Variants in PTPRD observed in about 807,000 individuals in gnomAD.
The protein encoded by PTPRD is protein tyrosine phosphatase receptor type D.
A neutral mutation model predicts 214.5 loss-of-function variants in PTPRD; 34 were observed. The ratio of observed to expected loss-of-function variants is 0.16; its 90% CI spans 0.12 to 0.21. The LOEUF is 0.21. Ranked by LOEUF, PTPRD falls within the 10% of genes least tolerant of loss-of-function variation. PTPRD has a pLI of 1.00. For synonymous variants in PTPRD, 1,128 were observed against 845.7 expected (o/e 1.33, Z -5.79); for missense variants, 2,545 against 2,398.7 (o/e 1.06, Z -1.27).
chr9:8,567,781 T>C (rs1202110286), intron 14 of PTPRD, among the ~76,000 whole-genome samples: 1 of 152,166 alleles, frequency 6.6e-6, no homozygotes, highest in Admixed American at 6.5e-5. Context: ...GTCTTATTTC[T>C]CTCTCTTACA....
intron 2 of PTPRD, among the ~76,000 whole-genome samples, chr9:10,385,146 GT>G (rs200671194): frequency 6.6e-6 from 1 of 151,404 alleles, no homozygotes; most frequent in South Asian, 2.1e-4. Context: ...AATACTACTT[GT>G]TTTTTTTCCA....
chr9:9,796,241 G>A (rs12341109), intron 5 of PTPRD, among the ~76,000 whole-genome samples: 1,824 of 152,234 alleles, frequency 0.012, 19 homozygotes, highest in Middle Eastern at 0.031. Context: ...TCTGAGAAAC[G>A]TTTTGAAGAT....
intron 39 of PTPRD, among the ~76,000 whole-genome samples, chr9:8,342,970 T>A (rs1247161420): frequency 6.6e-6 from 1 of 152,064 alleles, no homozygotes; most frequent in Non-Finnish European, 1.5e-5. Flanking sequence ...ATGGCTTTGG[T>A]AATCACACTG....
intron 31 of PTPRD, 22 bp downstream of exon 31, chr9:8,470,973 T>A (rs1311238743): frequency 1.3e-6 from 2 of 1,592,664 alleles, no homozygotes; most frequent in Non-Finnish European, 1.7e-6. Flanking sequence ...ATAAAAGACA[T>A]GGCCAACAAT....
At chr9:8,522,693 A>G (rs1449721697) in intron 19 of PTPRD, among the ~76,000 whole-genome samples, 1 of 152,188 alleles carries the variant, frequency 6.6e-6, no homozygotes, top group Non-Finnish European at 1.5e-5. Context: ...TGTGTGTTTA[A>G]GTAAATGTGT....
chr9:9,092,669 T>C (rs777422189), intron 10 of PTPRD, among the ~76,000 whole-genome samples: 12 of 152,054 alleles, frequency 7.9e-5, no homozygotes, highest in Non-Finnish European at 1.3e-4. Context: ...AAATCCACAG[T>C]TGACTGAAAT....
chr9:8,561,801 T>C (rs1293724702), intron 14 of PTPRD, among the ~76,000 whole-genome samples: 1 of 151,204 alleles, frequency 6.6e-6, no homozygotes, highest in African/African-American at 2.4e-5. Context: ...TTGTAAAGGG[T>C]AAGGGTAACG....
intron 5 of PTPRD, among the ~76,000 whole-genome samples, chr9:9,865,474 T>C (rs1423609746): frequency 6.6e-6 from 1 of 152,140 alleles, no homozygotes; most frequent in Non-Finnish European, 1.5e-5. Context: ...CATGTGACAC[T>C]CTGTGTCACC....
At chr9:9,061,594 T>G (rs1244851523) in intron 10 of PTPRD, among the ~76,000 whole-genome samples, 1 of 152,180 alleles carries the variant, frequency 6.6e-6, no homozygotes, top group Non-Finnish European at 1.5e-5. Context: ...TTGGCCAGTT[T>G]GACTACCCCT....
intron 7 of PTPRD, among the ~76,000 whole-genome samples, chr9:9,720,027 T>A (rs536656009): frequency 6.6e-6 from 1 of 152,148 alleles, no homozygotes; most frequent in Non-Finnish European, 1.5e-5. Flanking sequence ...AGGCATGGGA[T>A]CTGTGTTGGT....
rs374788243 is a variant in PTPRD at position 9,038,443 on chromosome 9, G to A, written c.-142-19708C>T. On this transcript the variant is annotated intron_variant, in intron 10 of 45. Transcript: ENST00000381196. ...AACAGAGGCTGATAATACTGAACAT[G>A]TACACGAACATGTATACAAACATGT... Among the ~76,000 whole-genome samples, 87 of 151,956 alleles carry A rather than the reference G, an allele frequency of 5.7e-4. 2 individuals are homozygous for A. In the South Asian group the frequency reaches 0.018, roughly 32 times the overall value.
chr9:8,525,615 AAGAC>A (rs1399366886), intron 17 of PTPRD, among the ~76,000 whole-genome samples: 10 of 152,320 alleles, frequency 6.6e-5, no homozygotes, highest in Middle Eastern at 6.8e-3. Flanking sequence ...TAAGAAAAGA[AAGAC>A]AGTTTTCCAC....
intron 11 of PTPRD, among the ~76,000 whole-genome samples, chr9:8,872,681 C>T (rs541741564): frequency 1.3e-5 from 2 of 152,306 alleles, no homozygotes; most frequent in South Asian, 4.1e-4. Context: ...TCTGTTATCA[C>T]TTTTTAAAAA....
chr9:8,462,175 A>G (rs9299065), intron 32 of PTPRD, among the ~76,000 whole-genome samples: 2 of 151,904 alleles, frequency 1.3e-5, no homozygotes, highest in South Asian at 4.1e-4. Context: ...TTTTTCCCAG[A>G]TCCTTCTTCC....
intron 8 of PTPRD, among the ~76,000 whole-genome samples, chr9:9,463,515 C>T (rs981393336): frequency 1.3e-5 from 2 of 152,040 alleles, no homozygotes; most frequent in Non-Finnish European, 2.9e-5. Context: ...CAAAATATAA[C>T]CAGAGTATGT....
intron 12 of PTPRD, among the ~76,000 whole-genome samples, chr9:8,726,133 A>G (rs973577459): frequency 2.0e-5 from 3 of 152,094 alleles, no homozygotes; most frequent in African/African-American, 7.2e-5. Context: ...TTTTAGGTTA[A>G]AGAATTGGTT....
intron 5 of PTPRD, among the ~76,000 whole-genome samples, chr9:9,928,366 C>G (rs938782136): frequency 2.0e-5 from 3 of 152,086 alleles, no homozygotes; most frequent in African/African-American, 7.2e-5. Flanking sequence ...AGCTCATTAT[C>G]TTGAGTTTTT....
chr9:10,533,913 T>A (rs559770426), intron 2 of PTPRD, among the ~76,000 whole-genome samples: 1 of 151,788 alleles, frequency 6.6e-6, no homozygotes, highest in Admixed American at 6.6e-5. Flanking sequence ...ATTAGGAAGT[T>A]TTTTTTAATT....
intron 3 of PTPRD, among the ~76,000 whole-genome samples, chr9:10,226,569 A>C (rs2154352897): frequency 6.6e-6 from 1 of 152,164 alleles, no homozygotes; most frequent in South Asian, 2.1e-4. Context: ...CAACTTGCTA[A>C]ACAAGAATTT....
Sources: allele counts gnomAD v4.1 joint callset (sites outside exome capture counted in the v4.1 genomes callset), GRCh38; gene constraint gnomAD v4.1.1; transcripts MANE v1.5; gene names NCBI Gene and HGNC (gene_info 2026-07-23, HGNC 2026-07-21).